The following AP2B1 variants were observed in gnomAD, a reference collection of about 807,000 sequenced individuals.
AP2B1 encodes the protein AP-2 complex subunit beta.
AP2B1 carries 23 observed loss-of-function variants against 102.0 expected under a neutral mutation model. That is an observed-to-expected ratio of 0.23 (90% CI 0.16 to 0.32). AP2B1 has a LOEUF of 0.32. AP2B1 is among the 10% of genes least tolerant of loss of function. The probability of loss-of-function intolerance (pLI) is 1.00; values close to 1 mark genes in which losing one functional copy is unlikely to be tolerated. For synonymous variants in AP2B1, 381 were observed against 421.2 expected, an observed-to-expected ratio of 0.90 and a Z score of 1.17; for missense variants, 541 against 1,157.4, an observed-to-expected ratio of 0.47 and a Z score of 7.73.
chr17:35,679,893 C>A (rs1321512015), intron 17 of AP2B1, among the ~76,000 whole-genome samples: 1 of 151,254 alleles, frequency 6.6e-6, no homozygotes, highest in African/African-American at 2.4e-5. Context: ...TTTCTTTAGC[C>A]ACTCTAACTC....
intron 21 of AP2B1, 147 bp downstream of exon 21, chr17:35,717,496 T>G (rs2085210150): frequency 1.1e-6 from 1 of 883,844 alleles, no homozygotes; most frequent in Non-Finnish European, 1.7e-6. Flanking sequence ...AGCTTCCATT[T>G]GCCTCAATGG....
At chr17:35,620,374 T>C (rs367690956) in intron 5 of AP2B1, among the ~76,000 whole-genome samples, 45 of 151,924 alleles carry the variant, frequency 3.0e-4, no homozygotes, top group African/African-American at 1.1e-3. Flanking sequence ...ATCTGCTAGT[T>C]CAAGATTACA....
chr17:35,597,748 A>G (rs1300955217), intron 2 of AP2B1, among the ~76,000 whole-genome samples: 1 of 152,244 alleles, frequency 6.6e-6, no homozygotes, highest in Non-Finnish European at 1.5e-5. Context: ...TTTGCATTCA[A>G]GAGTCAGGAG....
At chr17:35,632,793 A>G (rs1598111012) in intron 9 of AP2B1, among the ~76,000 whole-genome samples, 2 of 152,136 alleles carry the variant, frequency 1.3e-5, no homozygotes, top group Non-Finnish European at 2.9e-5. Flanking sequence ...CATTTTAATG[A>G]TAATACTACG....
chr17:35,721,983 G>A (rs372353786), intron 21 of AP2B1, among the ~76,000 whole-genome samples: 26 of 152,194 alleles, frequency 1.7e-4, no homozygotes, highest in African/African-American at 6.3e-4. Flanking sequence ...GCTCATGCCT[G>A]TAATCCCAGC....
intron 14 of AP2B1, among the ~76,000 whole-genome samples, chr17:35,661,235 A>C (rs912113825): frequency 7.9e-5 from 12 of 152,202 alleles, no homozygotes; most frequent in African/African-American, 2.9e-4. Flanking sequence ...CATTGAAACT[A>C]TAAAGAAAAA....
intron 14 of AP2B1, among the ~76,000 whole-genome samples, chr17:35,670,452 C>T (rs377294527): frequency 3.1e-4 from 47 of 151,950 alleles, no homozygotes; most frequent in African/African-American, 1.1e-3. Flanking sequence ...CCACCCTTTC[C>T]GTCCGCCCCC....
At position 35,597,762 on chromosome 17, in the gene AP2B1, C is replaced by G. The variant is rs117818162; in HGVS notation, c.38-468C>G. On this transcript the variant is annotated intron_variant, in intron 2 of 21. Transcript: ENST00000610402. ...CTTTGCATTCAAGAGTCAGGAGACA[C>G]AGTGCTAAGCCCAACTTTGTCACTG... 1.1e-3 allele frequency among the ~76,000 whole-genome samples: 163 copies of G among 152,300 alleles called. 1 individual carries two copies. Among genetic ancestry groups the G allele is most frequent in the South Asian group, 2.1e-3 (10 of 4,832 alleles).
At position 35,715,798 on chromosome 17, in the gene AP2B1, C is replaced by T. The variant is rs2076539818; in HGVS notation, c.2627-1397C>T. Among the ~76,000 whole-genome samples the T allele has an allele frequency of 2.0e-5, 3 of 152,264 alleles. No individual in the cohort carries two copies. In the South Asian group the frequency reaches 6.2e-4, roughly 32 times the overall value. On this transcript the variant is annotated intron_variant, in intron 20 of 21. Transcript: ENST00000610402. Reference sequence around the variant, plus strand: ...ATAGAGCCATTTCTTAACTACTCTGCTTGGTGTCAGTGAAGACATTGGAAA... The same window carrying T: ...ATAGAGCCATTTCTTAACTACTCTGTTTGGTGTCAGTGAAGACATTGGAAA...
intron 18 of AP2B1, among the ~76,000 whole-genome samples, chr17:35,685,713 G>T (rs1246623179): frequency 1.3e-5 from 2 of 151,976 alleles, no homozygotes; most frequent in African/African-American, 4.8e-5. Flanking sequence ...CTACTTATTG[G>T]CTTATAGACT....
chr17:35,660,288 G>C (rs954998548), intron 14 of AP2B1, among the ~76,000 whole-genome samples: 1 of 152,004 alleles, frequency 6.6e-6, no homozygotes, highest in Non-Finnish European at 1.5e-5. Flanking sequence ...GAGCCTGCAA[G>C]AGATGATTTA....
chr17:35,596,102 G>T (rs538055830), intron 2 of AP2B1, among the ~76,000 whole-genome samples: 116 of 152,186 alleles, frequency 7.6e-4, no homozygotes, highest in African/African-American at 2.6e-3. Flanking sequence ...ACACCCACCA[G>T]AACTGCCACT....
chr17:35,712,486 G>C (rs2076471556), intron 20 of AP2B1, among the ~76,000 whole-genome samples: 1 of 152,130 alleles, frequency 6.6e-6, no homozygotes, highest in Admixed American at 6.5e-5. Context: ...AAATTAGCCA[G>C]GCGTGGTGGC....
At chr17:35,685,892 G>A (rs1385318036) in intron 18 of AP2B1, among the ~76,000 whole-genome samples, 1 of 152,052 alleles carries the variant, frequency 6.6e-6, no homozygotes, top group Non-Finnish European at 1.5e-5. Flanking sequence ...CCTCTGAGTA[G>A]CTGGGATTAC....
rs113148498 is a variant in AP2B1 at position 35,627,108 on chromosome 17, G to C, written c.938+266G>C. Reference sequence around the variant, plus strand: ...ATACTGTCTAGTGCCTGGTTGATATGGTTCAGGCTGTAGTTTAGAGCCAGA... The same window carrying C: ...ATACTGTCTAGTGCCTGGTTGATATCGTTCAGGCTGTAGTTTAGAGCCAGA... On this transcript the variant is annotated intron_variant, in intron 7 of 21. Coordinates refer to ENST00000610402, the MANE Select transcript of AP2B1 (RefSeq NM_001030006.2). Among the ~76,000 whole-genome samples, 1,524 of 152,152 alleles carry C rather than the reference G, an allele frequency of 0.01. 18 individuals carry two copies. The highest frequency in any genetic ancestry group is 0.035 in the African/African-American group (1,435 of 41,502).
intron 13 of AP2B1, among the ~76,000 whole-genome samples, chr17:35,655,786 A>G (rs960457993): frequency 6.6e-6 from 1 of 152,182 alleles, no homozygotes; most frequent in Non-Finnish European, 1.5e-5. Context: ...ATCTATCTAC[A>G]TTGTCAGCAA....
chr17:35,723,963 T>C lies in AP2B1; in HGVS notation c.*264T>C, dbSNP rs2085475772. 2.6e-6 allele frequency: 1 copy of C among 383,566 alleles called. No individual in the cohort carries two copies. Among genetic ancestry groups the C allele is most frequent in the Non-Finnish European group, 4.7e-6 (1 of 211,724 alleles). The allele number at this position is 383,566 out of a possible 1,614,324, so 23.8% of individuals were successfully genotyped here. ...CTGTCCTTACTTGTGGGCTTCTCCA[T>C]GCTGTGCCAATGGCTGGCTTTTTCT... On this transcript the variant is annotated 3_prime_UTR_variant, in exon 22 of 22. Transcript: ENST00000610402.
chr17:35,610,778 G>A (rs2073836110), intron 5 of AP2B1, among the ~76,000 whole-genome samples: 1 of 151,974 alleles, frequency 6.6e-6, no homozygotes, highest in South Asian at 2.1e-4. Flanking sequence ...GTGGTGGCAG[G>A]CGCCTATCGT....
At chr17:35,657,559 A>T in intron 13 of AP2B1, 40 bp from the exon 14 acceptor site, 1 of 1,566,232 alleles carries the variant, frequency 6.4e-7, no homozygotes, top group Non-Finnish European at 8.7e-7. Flanking sequence ...GGTGAAACTG[A>T]CTTTTCTCTT....
Sources: gnomAD v4.1 joint callset for allele counts (sites outside exome capture counted in the v4.1 genomes callset) on GRCh38, gnomAD v4.1.1 for gene constraint, MANE v1.5 for transcripts, NCBI Gene and HGNC (gene_info 2026-07-23, HGNC 2026-07-21) for gene names.